STRN: variants seen among roughly 807,000 people sequenced by gnomAD.
STRN encodes protein phosphatase 2 regulatory subunit B'''alpha.
STRN carries 53 observed loss-of-function variants against 96.3 expected under a neutral mutation model. The ratio of observed to expected loss-of-function variants is 0.55; its 90% CI spans 0.44 to 0.69. The LOEUF (loss-of-function observed/expected upper bound fraction) is 0.69, where lower values mean the gene tolerates loss of function less well. Among genes scored for constraint, STRN ranks in the 30% least tolerant of loss-of-function variants. The pLI, the probability that STRN is intolerant of heterozygous loss-of-function variation, is 0.00. For missense variants in STRN, 987 were observed against 963.9 expected, an observed-to-expected ratio of 1.02 and a Z score of -0.32; for synonymous variants, 428 against 355.9, an observed-to-expected ratio of 1.20 and a Z score of -2.28.
intron 15 of STRN, among the ~76,000 whole-genome samples, chr2:36,854,475 A>T (rs1171329181): frequency 1.3e-5 from 2 of 152,226 alleles, no homozygotes; most frequent in Admixed American, 1.3e-4. Flanking sequence ...AGGAATAAAG[A>T]AACTTTTTGA....
chr2:36,910,309 C>G (rs1322884129), intron 3 of STRN, among the ~76,000 whole-genome samples: 1 of 151,676 alleles, frequency 6.6e-6, no homozygotes, highest in African/African-American at 2.4e-5. Flanking sequence ...CAGATCTACA[C>G]AAAGGAATAA....
chr2:36,904,958 C>T (rs2148203517), intron 4 of STRN, among the ~76,000 whole-genome samples: 1 of 145,796 alleles, frequency 6.9e-6, no homozygotes, highest in Non-Finnish European at 1.5e-5. Context: ...TGCATGTAAA[C>T]ACCAATTGCA....
At chr2:36,900,616 C>T (rs1267164067) in intron 5 of STRN, among the ~76,000 whole-genome samples, 2 of 152,052 alleles carry the variant, frequency 1.3e-5, no homozygotes, top group Admixed American at 6.6e-5. Context: ...ACTGGCTGGA[C>T]GCAGTGGCTC....
At chr2:36,873,648 T>TA (rs1240176299) in intron 10 of STRN, among the ~76,000 whole-genome samples, 2 of 151,678 alleles carry the variant, frequency 1.3e-5, no homozygotes, top group Non-Finnish European at 2.9e-5. Flanking sequence ...GTAAACAATC[T>TA]AAAAAAAAGA....
At chr2:36,941,391 C>T (rs1670840942) in intron 1 of STRN, among the ~76,000 whole-genome samples, 1 of 152,238 alleles carries the variant, frequency 6.6e-6, no homozygotes, top group East Asian at 1.9e-4. Flanking sequence ...CATCGCTCTC[C>T]ACCCCATAAA....
chr2:36,880,551 C>A (rs973979596), intron 9 of STRN, among the ~76,000 whole-genome samples: 14 of 152,154 alleles, frequency 9.2e-5, no homozygotes, highest in African/African-American at 3.4e-4. Flanking sequence ...AACTACCATA[C>A]AATACAGTAG....
rs951542484 is a variant in STRN at position 36,938,142 on chromosome 2, T to C, written c.235-12934A>G. 1.1e-4 allele frequency among the ~76,000 whole-genome samples: 16 copies of C among 152,180 alleles called. No individual in the cohort carries two copies. In the South Asian group the frequency reaches 1.5e-3, roughly 14 times the overall value. On this transcript the variant is annotated intron_variant, in intron 1 of 17. Transcript: ENST00000263918. ...TTAGTATAATCAAAAGTTTAAGAAA[T>C]TGGCCAGGCGTGGTGGCTCACACTA...
chr2:36,875,972 T>A (rs115339153), intron 10 of STRN, among the ~76,000 whole-genome samples: 3,334 of 151,854 alleles, frequency 0.022, 103 homozygotes, highest in African/African-American at 0.071. Flanking sequence ...TGATTTTTTT[T>A]AAATCTTTAT....
chr2:36,881,765 C>G (rs1669077145), intron 9 of STRN, among the ~76,000 whole-genome samples: 1 of 152,128 alleles, frequency 6.6e-6, no homozygotes, highest in African/African-American at 2.4e-5. Flanking sequence ...TATCCTACCT[C>G]TATTATTAGA....
In STRN at chr2:36,840,919, T is replaced by C. The variant is rs897364465; in HGVS notation, c.*8537A>G. 2 of 152,196 alleles carry C rather than the reference T, an allele frequency of 1.3e-5. No individual in the cohort carries two copies. The highest frequency in any genetic ancestry group is 2.4e-5 in the African/African-American group (1 of 41,454). 9.4% of individuals were successfully genotyped at this position (152,196 alleles called of 1,614,324 possible). A position where few individuals can be genotyped will look rare whatever the true frequency, so the allele number is the denominator to read the frequency against. On this transcript the variant is annotated 3_prime_UTR_variant, in exon 18 of 18. Transcript: ENST00000263918. ...ATCACATATTCCTTATTAATCTTTG[T>C]ATTCCAAAAATAATTTCTGAAAATC... is the stretch of plus-strand genomic sequence containing the variant.
chr2:36,955,652 T>C (rs1350538847), intron 1 of STRN, among the ~76,000 whole-genome samples: 2 of 152,170 alleles, frequency 1.3e-5, no homozygotes, highest in African/African-American at 4.8e-5. Context: ...TCTGCCTCGA[T>C]TACTACGTCC....
chr2:36,917,658 GA>G lies in STRN; in HGVS notation c.339-1508del, dbSNP rs542516119. 3.1e-3 allele frequency among the ~76,000 whole-genome samples: 475 copies of G among 151,292 alleles called. 1 individual carries two copies. Among genetic ancestry groups the G allele is most frequent in the African/African-American group, 0.011 (462 of 41,248 alleles). On this transcript the variant is annotated intron_variant, in intron 2 of 17. Coordinates refer to ENST00000263918, the MANE Select transcript of STRN (RefSeq NM_003162.4). ...TAATAATCATTTTGCAGTCACAACA[GA>G]AAAAAAAGTTTTAGACAGAGAGGAA...
At chr2:36,879,562 TATTTA>T (rs1229795879) in intron 9 of STRN, among the ~76,000 whole-genome samples, 2 of 152,250 alleles carry the variant, frequency 1.3e-5, no homozygotes, top group Non-Finnish European at 2.9e-5. Flanking sequence ...ATAATGATTT[TATTTA>T]ATTTGGTCAA....
chr2:36,925,650 G>A (rs1440362649), intron 1 of STRN, among the ~76,000 whole-genome samples: 2 of 151,984 alleles, frequency 1.3e-5, no homozygotes, highest in African/African-American at 2.4e-5. Flanking sequence ...GGTGGCACCT[G>A]TAATCCCAGC....
In STRN at chr2:36,904,549, G is replaced by A. The variant is rs575142837; in HGVS notation, c.491+991C>T. 3.0e-3 allele frequency among the ~76,000 whole-genome samples: 457 copies of A among 152,202 alleles called. 5 individuals carry two copies. The highest frequency in any genetic ancestry group is 0.01 in the African/African-American group (425 of 41,548). On this transcript the variant is annotated intron_variant, in intron 4 of 17. Coordinates refer to ENST00000263918, the MANE Select transcript of STRN (RefSeq NM_003162.4). ...AATATTTTATGGAAGAAAGTTGACC[G>A]GGCATGGTGGCTCACACCTGTAATC...
At chr2:36,952,266 G>A (rs1664771934) in intron 1 of STRN, among the ~76,000 whole-genome samples, 1 of 152,114 alleles carries the variant, frequency 6.6e-6, no homozygotes, top group South Asian at 2.1e-4. Flanking sequence ...TCTGGATGGT[G>A]CTGGATAACA....
At position 36,884,056 on chromosome 2, in the gene STRN, T is replaced by C. The variant is rs999908605; in HGVS notation, c.1062A>G (p.Leu354=). ...CTCTCAAATTAGCAAGCATATCTTG[T>C]AGTTTTGACCTATTGGGCCCTAGCC... is the stretch of plus-strand genomic sequence containing the variant. ...KGVKRPNRSK[L]QDMLANLRDV... Residue 354 remains leucine, a synonymous_variant, in exon 9 of 18, where the codon CTA becomes CTG. Coordinates refer to ENST00000263918, the MANE Select transcript of STRN (RefSeq NM_003162.4). 2.2e-6 allele frequency: 3 copies of C among 1,389,160 alleles called. No homozygotes were observed. Among genetic ancestry groups the C allele is most frequent in the Non-Finnish European group, 2.8e-6 (3 of 1,063,260 alleles). The allele number at this position is 1,389,160 out of a possible 1,614,324, so 86.1% of individuals were successfully genotyped here.
chr2:36,858,281 C>T (rs751432800), intron 13 of STRN, among the ~76,000 whole-genome samples: 1 of 152,086 alleles, frequency 6.6e-6, no homozygotes, highest in Non-Finnish European at 1.5e-5. Context: ...TTTCCTCCCC[C>T]TTCCTTTTGT....
At chr2:36,892,273 G>A (rs911490144) in intron 7 of STRN, among the ~76,000 whole-genome samples, 12 of 152,192 alleles carry the variant, frequency 7.9e-5, no homozygotes, top group African/African-American at 2.4e-4. Flanking sequence ...GCAGGAGGCA[G>A]GGAGGGCAGT....
Sources: allele counts gnomAD v4.1 joint callset (sites outside exome capture counted in the v4.1 genomes callset), GRCh38; gene constraint gnomAD v4.1.1; transcripts MANE v1.5; gene names NCBI Gene and HGNC (gene_info 2026-07-23, HGNC 2026-07-21).